The following TEX9 variants were observed in gnomAD, a reference collection of about 807,000 sequenced individuals.
TEX9 encodes the protein testis-expressed protein 9.
In TEX9, 74 loss-of-function variants were observed where a neutral mutation model predicts 59.6. That is an observed-to-expected ratio of 1.24 (90% CI 1.03 to 1.51). TEX9 has a LOEUF of 1.51. Among genes scored for constraint, TEX9 ranks in the 40% most tolerant of loss-of-function variants. The pLI, the probability that TEX9 is intolerant of heterozygous loss-of-function variation, is 0.00. For missense variants in TEX9, 522 were observed against 447.8 expected (o/e 1.17, Z -1.49); for synonymous variants, 186 against 152.2 (o/e 1.22, Z -1.64).
chr15:56,431,511 A>T, intron 12 of TEX9: 1 of 1,613,242 alleles, frequency 6.2e-7, no homozygotes, highest in Non-Finnish European at 8.5e-7. Flanking sequence ...GGAAATGCAG[A>T]TCAAATTTTG....
chr15:56,367,128 A>G (rs1409021855), intron 2 of TEX9, among the ~76,000 whole-genome samples: 2 of 152,182 alleles, frequency 1.3e-5, no homozygotes, highest in Non-Finnish European at 2.9e-5. Flanking sequence ...TGAGAAATAT[A>G]CAGGGACTAT....
chr15:56,413,275 A>C lies in TEX9; in HGVS notation c.963+839A>C, dbSNP rs1048665379. ...ATTTATTTAATTAAATAATTTAATA[A>C]TTAAATAATTTAATAATAAATTATT... On this transcript the variant is annotated intron_variant, in intron 10 of 12. Coordinates refer to ENST00000352903, the Ensembl canonical transcript of TEX9. 4.8e-4 allele frequency among the ~76,000 whole-genome samples: 3 copies of C among 6,290 alleles called. No individual in the cohort carries two copies. In the Admixed American group the frequency reaches 0.011, roughly 22 times the overall value. The allele number at this position is 6,290 out of a possible 152,430, so 4.1% of individuals were successfully genotyped here.
chr15:56,261,220 C>G (rs927491099), intron 1 of TEX9, among the ~76,000 whole-genome samples: 8 of 151,922 alleles, frequency 5.3e-5, no homozygotes, highest in Non-Finnish European at 1.2e-4. Flanking sequence ...GCTATTTCAT[C>G]AATTATTGTT....
chr15:56,442,573 A>G (rs1339895619), intron 12 of TEX9, among the ~76,000 whole-genome samples: 3 of 152,196 alleles, frequency 2.0e-5, no homozygotes, highest in African/African-American at 7.2e-5. Flanking sequence ...AAAGAACAAA[A>G]TCATATCCTT....
At chr15:56,255,781 A>G (rs1284697275) in intron 1 of TEX9, among the ~76,000 whole-genome samples, 1 of 152,062 alleles carries the variant, frequency 6.6e-6, no homozygotes, top group East Asian at 1.9e-4. Context: ...ATACAGAGCC[A>G]TTTTAGAAGA....
At chr15:56,362,297 T>C (rs575864104), upstream of TEX9, among the ~76,000 whole-genome samples, 22 of 152,214 alleles carry the variant, frequency 1.4e-4, no homozygotes, top group Admixed American at 6.5e-4. Flanking sequence ...TCTTTGCAAG[T>C]CCTACCAGTT....
rs182916324 is a variant in TEX9 at position 56,384,073 on chromosome 15, G to A, written c.263+42G>A. ...CTCAAGCACCTTCTTTTAAAAGGAT[G>A]TACATGGATCGTTATGTAAGATCTT... On this transcript the variant is annotated intron_variant, in intron 4 of 12. Coordinates refer to ENST00000352903, the Ensembl canonical transcript of TEX9. The A allele has an allele frequency of 2.9e-5, 42 of 1,463,334 alleles. 2 individuals are homozygous for A. The Admixed American group carries it at 5.9e-4, about 21-fold the overall frequency. The allele number at this position is 1,463,334 out of a possible 1,614,324, so 90.6% of individuals were successfully genotyped here.
At chr15:56,385,030 G>A (rs542206632) in intron 4 of TEX9, among the ~76,000 whole-genome samples, 6 of 152,250 alleles carry the variant, frequency 3.9e-5, no homozygotes, top group African/African-American at 1.4e-4. Context: ...GTTAATTTTT[G>A]TATGTGGTAT....
chr15:56,398,930 G>T (rs1200890542), intron 9 of TEX9, among the ~76,000 whole-genome samples: 1 of 152,142 alleles, frequency 6.6e-6, no homozygotes, highest in South Asian at 2.1e-4. Flanking sequence ...TCAGGAGATC[G>T]AGACCATCCT....
At chr15:56,368,478 G>C (rs959382241) in intron 2 of TEX9, among the ~76,000 whole-genome samples, 2 of 151,918 alleles carry the variant, frequency 1.3e-5, no homozygotes, top group Non-Finnish European at 2.9e-5. Context: ...TCTTTTCTTG[G>C]AAGCTTTTTA....
intron 3 of TEX9, among the ~76,000 whole-genome samples, chr15:56,381,417 C>T: frequency 6.6e-6 from 1 of 152,124 alleles, no homozygotes; most frequent in Non-Finnish European, 1.5e-5. Context: ...TTATTTAGCT[C>T]ATTTGGCAAA....
intron 2 of TEX9, among the ~76,000 whole-genome samples, chr15:56,368,756 T>C (rs113103988): frequency 1.8e-4 from 27 of 152,270 alleles, no homozygotes; most frequent in Non-Finnish European, 3.7e-4. Flanking sequence ...TGTACACCCC[T>C]CCTTTTGGTA....
chr15:56,357,945 T>G (rs1293810482), intron 1 of TEX9, among the ~76,000 whole-genome samples: 1 of 152,204 alleles, frequency 6.6e-6, no homozygotes, highest in Non-Finnish European at 1.5e-5. Flanking sequence ...ACTTGCTTCC[T>G]TTATGTCTGG....
chr15:56,439,379 C>CA (rs1164158172), intron 12 of TEX9, among the ~76,000 whole-genome samples: 3 of 151,850 alleles, frequency 2.0e-5, no homozygotes, highest in African/African-American at 7.2e-5. Context: ...AAAATCCCAG[C>CA]AAAAAATATT....
intron 12 of TEX9, chr15:56,428,679 T>C: frequency 2.5e-6 from 1 of 399,034 alleles, no homozygotes; most frequent in East Asian, 3.9e-5. Flanking sequence ...TCTTGACTCT[T>C]TTCATTTATA....
At chr15:56,309,710 T>G (rs867510977) in intron 1 of TEX9, among the ~76,000 whole-genome samples, 4 of 132,684 alleles carry the variant, frequency 3.0e-5, no homozygotes, top group Non-Finnish European at 5.1e-5. Flanking sequence ...TTTTTTTTTT[T>G]TTTTTTTTTT....
At chr15:56,378,243 T>C (rs551672874) in intron 3 of TEX9, among the ~76,000 whole-genome samples, 8 of 152,322 alleles carry the variant, frequency 5.3e-5, no homozygotes, top group South Asian at 2.1e-4. Flanking sequence ...AAAATGAGTT[T>C]GGAAGTATTC....
At chr15:56,351,898 G>A (rs1314748412) in intron 1 of TEX9, among the ~76,000 whole-genome samples, 1 of 152,094 alleles carries the variant, frequency 6.6e-6, no homozygotes, top group African/African-American at 2.4e-5. Context: ...TCTACAAAAT[G>A]CTTTATTTTG....
chr15:56,376,595 T>C (rs2142068805), intron 3 of TEX9, among the ~76,000 whole-genome samples: 1 of 152,292 alleles, frequency 6.6e-6, no homozygotes, highest in Admixed American at 6.5e-5. Context: ...CATTTTTAAA[T>C]TGGATTATTA....
Sources: allele counts gnomAD v4.1 joint callset (sites outside exome capture counted in the v4.1 genomes callset), GRCh38; gene constraint gnomAD v4.1.1; transcripts MANE v1.5; gene names NCBI Gene and HGNC (gene_info 2026-07-23, HGNC 2026-07-21).